RP1: variants seen among roughly 807,000 people sequenced by gnomAD.
RP1 encodes oxygen-regulated protein 1.
RP1 carries 16 observed loss-of-function variants against 14.8 expected under a neutral mutation model. That is an observed-to-expected ratio of 1.08 (90% CI 0.73 to 1.65). The LOEUF is 1.65. Among genes scored for constraint, RP1 ranks in the 40% most tolerant of loss-of-function variants. The pLI is 0.00. For synonymous variants in RP1, 876 were observed against 883.6 expected (o/e 0.99, Z 0.15); for missense variants, 2,631 against 2,535.0 (o/e 1.04, Z -0.81).
intron 26 of RP1, among the ~76,000 whole-genome samples, chr8:54,856,705 G>A (rs1014741121): frequency 2.6e-5 from 4 of 152,160 alleles, no homozygotes; most frequent in Non-Finnish European, 5.9e-5. Context: ...AAACACTTGA[G>A]AGAGTTTGGC....
At chr8:54,831,404 T>TC (rs939094092) in intron 24 of RP1, among the ~76,000 whole-genome samples, 9 of 147,590 alleles carry the variant, frequency 6.1e-5, no homozygotes, top group African/African-American at 1.5e-4. Flanking sequence ...ATTGTTTCTT[T>TC]TTTTTTTTTT....
At position 54,626,229 on chromosome 8, in the gene RP1, A is replaced by T. The variant is rs750952702; in HGVS notation, c.2347A>T (p.Asn783Tyr). ...AACCAAAAGAAAATCTAGATCACTA[A>T]ATAAAATAAGCTTAGGAGCACCTAA... ...LLTKRKSRSL[N>Y]KISLGAPKKR... Residue 783 changes from asparagine to tyrosine, a missense_variant, in exon 4 of 4, where the codon AAT (asparagine) becomes TAT (tyrosine). Physicochemically the swap from Asn to Tyr is moderately radical, Grantham distance 143 (BLOSUM62 -2). Transcript: ENST00000220676. 2 of 1,611,502 alleles carry T rather than the reference A, an allele frequency of 1.2e-6. No individual in the cohort carries two copies. The highest frequency in any genetic ancestry group is 8.5e-7 in the Non-Finnish European group (1 of 1,179,268).
chr8:54,838,267 A>AT (rs1317280653), intron 25 of RP1, among the ~76,000 whole-genome samples: 1 of 152,134 alleles, frequency 6.6e-6, no homozygotes, highest in Non-Finnish European at 1.5e-5. Context: ...TTTACTGAGT[A>AT]TTTTTTCTTT....
At chr8:54,848,450 G>T (rs954910273) in intron 25 of RP1, among the ~76,000 whole-genome samples, 1 of 152,172 alleles carries the variant, frequency 6.6e-6, no homozygotes, top group Non-Finnish European at 1.5e-5. Flanking sequence ...GCCTGGTGTG[G>T]ATTGGGCCCA....
chr8:54,684,419 C>T (rs1054085932), intron 12 of RP1, among the ~76,000 whole-genome samples: 16 of 152,116 alleles, frequency 1.1e-4, no homozygotes, highest in Non-Finnish European at 1.6e-4. Context: ...TGGTAGAATT[C>T]AGCTGTAAAT....
Position 54,625,702 on chromosome 8 carries a change from C to T in RP1, c.1820C>T (p.Pro607Leu), listed in dbSNP as rs867576203. ...TYGNTNDRFS[P>L]ISADATHFSS... is the part of the protein sequence containing the mutation. ...GGTAACACCAATGATAGGTTCAGTC[C>T]TATTTCAGCAGATGCAACCCATTTT... The change falls in exon 4 of 4, where the codon CCT (proline) becomes CTT (leucine). Residue 607 changes from proline (P) to leucine (L), a missense_variant. Physicochemically the swap from Pro to Leu is moderately conservative, Grantham distance 98 (BLOSUM62 -3). Transcript: ENST00000220676. 6.2e-7 allele frequency: 1 copy of T among 1,614,024 alleles called. No individual in the cohort carries two copies. The highest frequency in any genetic ancestry group is 8.5e-7 in the Non-Finnish European group (1 of 1,179,986).
At chr8:54,719,468 C>T (rs930993234) in intron 15 of RP1, among the ~76,000 whole-genome samples, 1 of 152,146 alleles carries the variant, frequency 6.6e-6, no homozygotes, top group African/African-American at 2.4e-5. Flanking sequence ...TTAATCCATC[C>T]TTACAAAAGT....
rs147538100 is a variant in RP1 at position 54,760,721 on chromosome 8, T to G, written c.3248+1645T>G. Among the ~76,000 whole-genome samples, 364 of 152,262 alleles carry G rather than the reference T, an allele frequency of 2.4e-3. 1 individual carries two copies. Among genetic ancestry groups the G allele is most frequent in the East Asian group, 8.5e-3 (44 of 5,178 alleles). On this transcript the variant is annotated intron_variant, in intron 22 of 22. Coordinates refer to the RP1 transcript ENST00000636932. ...AGACCCCTATAATTACCTAAACAAG[T>G]TCTGTTCCACTCTGCTTTTGTCCCT... is the stretch of plus-strand genomic sequence containing the variant.
rs145131911 is a variant in RP1, at chr8:54,840,313, C to T, written c.3835+2644C>T. On this transcript the variant is annotated intron_variant, in intron 25 of 28. Transcript: ENST00000637698. Reference sequence around the variant, plus strand: ...TGTTGCCCAGGCTGGAGTGCAGTGGCATGATCTCGGCTCACTGCAACATCT... The same window carrying T: ...TGTTGCCCAGGCTGGAGTGCAGTGGTATGATCTCGGCTCACTGCAACATCT... Among the ~76,000 whole-genome samples the T allele has an allele frequency of 3.8e-3, 581 of 151,900 alleles. 5 individuals carry two copies. The highest frequency in any genetic ancestry group is 0.013 in the African/African-American group (558 of 41,420).
chr8:54,682,016 A>G (rs1160196797), intron 12 of RP1, among the ~76,000 whole-genome samples: 1 of 152,046 alleles, frequency 6.6e-6, no homozygotes, highest in Non-Finnish European at 1.5e-5. Context: ...GCAGGCATGT[A>G]TCTTCATAAT....
downstream of RP1, among the ~76,000 whole-genome samples, chr8:54,633,731 CTCTCTCTATA>C (rs1174038258): frequency 2.2e-5 from 3 of 134,408 alleles, no homozygotes; most frequent in African/African-American, 8.9e-5. Flanking sequence ...CTCTCTCTCT[CTCTCTCTATA>C]TATATATATA....
intron 27 of RP1, among the ~76,000 whole-genome samples, chr8:54,864,895 T>G (rs539407105): frequency 1.3e-4 from 20 of 152,314 alleles, no homozygotes; most frequent in Admixed American, 1.0e-3. Context: ...GTAAAACACT[T>G]TGGTGAATTT....
intron 1 of RP1, among the ~76,000 whole-genome samples, chr8:54,584,727 G>T (rs1394073303): frequency 1.3e-5 from 2 of 152,166 alleles, no homozygotes; most frequent in African/African-American, 4.8e-5. Context: ...AGCTTTTCTT[G>T]TTGAATTGAT....
chr8:54,670,622 T>C (rs1807149665), intron 7 of RP1, among the ~76,000 whole-genome samples: 1 of 139,194 alleles, frequency 7.2e-6, no homozygotes, highest in Non-Finnish European at 1.5e-5. Context: ...TGTATATATG[T>C]ATACTCTGAT....
At chr8:54,720,737 T>C (rs888273590) in intron 16 of RP1, among the ~76,000 whole-genome samples, 3 of 152,314 alleles carry the variant, frequency 2.0e-5, no homozygotes, top group East Asian at 1.9e-4. Flanking sequence ...GGATTAAAAA[T>C]AGGATTTGGA....
chr8:54,695,982 C>T (rs1807850256), intron 12 of RP1, among the ~76,000 whole-genome samples: 2 of 152,032 alleles, frequency 1.3e-5, no homozygotes, highest in African/African-American at 4.8e-5. Flanking sequence ...TAATCTGTGT[C>T]TTTCATTTTT....
chr8:54,795,727 A>T (rs960278644), intron 24 of RP1, among the ~76,000 whole-genome samples: 1 of 152,124 alleles, frequency 6.6e-6, no homozygotes, highest in Admixed American at 6.5e-5. Context: ...TTATTTGTGG[A>T]CTTGATCATA....
intron 22 of RP1, among the ~76,000 whole-genome samples, chr8:54,763,413 C>T (rs1809688482): frequency 2.0e-5 from 3 of 152,054 alleles, no homozygotes; most frequent in Non-Finnish European, 4.4e-5. Context: ...AAAGGCCCTA[C>T]CTAGGGGAAT....
upstream of RP1, among the ~76,000 whole-genome samples, chr8:54,615,509 C>G (rs1805693948): frequency 6.6e-6 from 1 of 152,168 alleles, no homozygotes; most frequent in South Asian, 2.1e-4. Context: ...CATGTTCAAA[C>G]CCCAGTATGA....
Sources: allele counts gnomAD v4.1 joint callset (sites outside exome capture counted in the v4.1 genomes callset), GRCh38; gene constraint gnomAD v4.1.1; transcripts MANE v1.5; gene names NCBI Gene and HGNC (gene_info 2026-07-23, HGNC 2026-07-21).